The following MOK variants were observed in gnomAD, a reference collection of about 807,000 sequenced individuals.
MOK encodes the protein MOK protein kinase, also known as MAPK/MAK/MRK overlapping kinase.
In MOK, 59 loss-of-function variants were observed where a neutral mutation model predicts 54.2. The ratio of observed to expected loss-of-function variants is 1.09; its 90% CI spans 0.88 to 1.35. MOK has a LOEUF of 1.35. MOK is among the 40% of genes most tolerant of loss of function. MOK has a pLI of 0.00. For missense variants in MOK, 517 were observed against 526.2 expected (o/e 0.98, Z 0.17); for synonymous variants, 210 against 202.7 (o/e 1.04, Z -0.31).
In MOK at chr14:102,236,702, A is replaced by G. The variant is rs12887332; in HGVS notation, c.591-2913T>C. ...GGACACCACCACCCCTTCCCTAGCT[A>G]CTCACCACGACCCCATCAAAATCCA... On this transcript the variant is annotated intron_variant, in intron 7 of 11. Coordinates refer to ENST00000361847, the MANE Select transcript of MOK (RefSeq NM_014226.3). This position sits in a 1 kb window ranked among gnomAD's most constrained non-coding sequence, Gnocchi z 4.5. Among the ~76,000 whole-genome samples the G allele has an allele frequency of 0.34, 52,167 of 151,504 alleles. 12,445 individuals are homozygous for G. Among genetic ancestry groups the G allele is most frequent in the African/African-American group, 0.69 (28,346 of 41,270 alleles).
At chr14:102,287,927 C>T (rs982471988) in intron 1 of MOK, among the ~76,000 whole-genome samples, 1 of 150,768 alleles carries the variant, frequency 6.6e-6, no homozygotes, top group Non-Finnish European at 1.5e-5. Flanking sequence ...CTCCGCTTCC[C>T]GGGTTCACGC....
chr14:102,224,811 TAA>T (rs1295549416), downstream of MOK: 33 of 455,962 alleles, frequency 7.2e-5, no homozygotes, highest in Admixed American at 6.8e-4. Context: ...AGAGAAATAA[TAA>T]AAGACACTAA....
chr14:102,299,949 T>G (rs1373510440), intron 1 of MOK, among the ~76,000 whole-genome samples: 1 of 152,154 alleles, frequency 6.6e-6, no homozygotes. Flanking sequence ...CCAGGCACAG[T>G]GGCTCATGCC....
At chr14:102,298,718 C>T (rs966784509) in intron 1 of MOK, among the ~76,000 whole-genome samples, 5 of 152,206 alleles carry the variant, frequency 3.3e-5, no homozygotes, top group African/African-American at 4.8e-5. Context: ...CAACATGCTC[C>T]AGTCCCCTTC....
chr14:102,233,707 T>A lies in MOK; in HGVS notation c.673A>T (p.Ile225Phe), dbSNP rs757500685. The A allele has an allele frequency of 8.7e-6, 14 of 1,613,582 alleles. No individual in the cohort carries two copies. The highest frequency in any genetic ancestry group is 1.2e-5 in the Non-Finnish European group (14 of 1,179,502). Residue 225 changes from isoleucine (I) to phenylalanine (F), a missense_variant, in exon 8 of 12, where the codon ATC becomes TTC. Transcript: ENST00000361847. The part of the protein sequence containing the change: ...HDVIGTPAQK[I>F]LTKFKQSRAM... Reference sequence around the variant, plus strand: ...ACTTACTGTTTGAACTTGGTGAGGATCTTCTGAGCGGGTGTGCCGATGACA... The same window carrying A: ...ACTTACTGTTTGAACTTGGTGAGGAACTTCTGAGCGGGTGTGCCGATGACA...
intron 1 of MOK, among the ~76,000 whole-genome samples, chr14:102,303,009 A>C (rs117211617): frequency 6.6e-6 from 1 of 151,704 alleles, no homozygotes; most frequent in Non-Finnish European, 1.5e-5. Flanking sequence ...CAAAAAATAC[A>C]AGTTAGCTGG....
chr14:102,234,579 C>T (rs1418288429), intron 7 of MOK, among the ~76,000 whole-genome samples: 2 of 152,100 alleles, frequency 1.3e-5, no homozygotes, highest in African/African-American at 4.8e-5. Context: ...CACCGGCAGT[C>T]TCTTCTTCCT....
At position 102,304,961 on chromosome 14, in the gene MOK, C is replaced by A. The variant is rs1437627756; in HGVS notation, c.7+1G>T. The stretch of plus-strand genomic sequence containing the variant: ...CTGCCCCTTTCCCCGGCCCCACTCA[C>A]TCTTCATCTTGGATGCGGAAGCCGG... On this transcript the variant is annotated splice_donor_variant, in intron 1 of 11. Transcript: ENST00000361847. LOFTEE classifies it high-confidence loss of function. The A allele has an allele frequency of 9.9e-6, 16 of 1,610,096 alleles. No individual in the cohort carries two copies. The East Asian group carries it at 3.6e-4, about 36-fold the overall frequency.
chr14:102,256,670 G>T (rs35308394), intron 4 of MOK, among the ~76,000 whole-genome samples: 1 of 151,170 alleles, frequency 6.6e-6, no homozygotes, highest in African/African-American at 2.4e-5. Flanking sequence ...CAAAGTGTTG[G>T]GACTACACAC....
intron 1 of MOK, 44 bp from the exon 2 acceptor site, chr14:102,283,636 T>C (rs758570512): frequency 1.2e-5 from 15 of 1,246,600 alleles, no homozygotes; most frequent in Non-Finnish European, 1.5e-5. Flanking sequence ...TATTTATGCA[T>C]ACACTTGTAT....
In MOK at chr14:102,245,880, T is replaced by C. The variant is rs947036028; in HGVS notation, c.590+4932A>G. Among the ~76,000 whole-genome samples, 3 of 152,078 alleles carry C rather than the reference T, an allele frequency of 2.0e-5. No individual in the cohort carries two copies. Among genetic ancestry groups the C allele is most frequent in the Non-Finnish European group, 4.4e-5 (3 of 68,012 alleles). On this transcript the variant is annotated intron_variant, in intron 7 of 11. Coordinates refer to ENST00000361847, the MANE Select transcript of MOK (RefSeq NM_014226.3). This position sits in a 1 kb window ranked among gnomAD's most constrained non-coding sequence, Gnocchi z 4.3. ...CTCCAACCAGCACCTCACCAACTTC[T>C]AACTGGTATTCCAGCACACTCCTTG...
chr14:102,298,519 T>C (rs1413126352), intron 1 of MOK, among the ~76,000 whole-genome samples: 1 of 152,216 alleles, frequency 6.6e-6, no homozygotes, highest in Non-Finnish European at 1.5e-5. Context: ...CTAGCTGATC[T>C]CACGGGGACT....
chr14:102,242,120 G>T (rs2065768188), intron 7 of MOK, among the ~76,000 whole-genome samples: 1 of 152,194 alleles, frequency 6.6e-6, no homozygotes, highest in African/African-American at 2.4e-5. Flanking sequence ...CTACCTGATT[G>T]CCTCGGAAGC....
chr14:102,217,198 T>C, the MOK span, among the ~76,000 whole-genome samples: 1 of 152,160 alleles, frequency 6.6e-6, no homozygotes, highest in South Asian at 2.1e-4. Flanking sequence ...GTAGAGAGGA[T>C]TGCAGGGCCA....
At position 102,297,884 on chromosome 14, in the gene MOK, G is replaced by A. The variant is rs10137979; in HGVS notation, c.7+7078C>T. On this transcript the variant is annotated intron_variant, in intron 1 of 11. Transcript: ENST00000361847. Reference sequence around the variant, plus strand: ...CCTGCAGTGCCGGCCCACCGGCCCTGCCTGTGCTCAAATTCTTTCTGGGCC... The same window carrying A: ...CCTGCAGTGCCGGCCCACCGGCCCTACCTGTGCTCAAATTCTTTCTGGGCC... Among the ~76,000 whole-genome samples the A allele has an allele frequency of 5.6e-3, 853 of 152,328 alleles. 9 individuals are homozygous for A. The highest frequency in any genetic ancestry group is 0.02 in the African/African-American group (816 of 41,584).
intron 10 of MOK, 28 bp from the exon 11 acceptor site, chr14:102,229,685 C>A: frequency 6.4e-7 from 1 of 1,552,944 alleles, no homozygotes; most frequent in Non-Finnish European, 8.7e-7. Flanking sequence ...GCCAGTTGGA[C>A]ATAAAACGCT....
At chr14:102,290,446 AAAAAG>A (rs2070649011) in intron 1 of MOK, among the ~76,000 whole-genome samples, 1 of 152,176 alleles carries the variant, frequency 6.6e-6, no homozygotes, top group South Asian at 2.1e-4. Context: ...GTCTCAAAAA[AAAAAG>A]AGAGAAACAA....
intron 1 of MOK, among the ~76,000 whole-genome samples, chr14:102,301,606 ACTCTGT>A (rs2072210167): frequency 6.6e-6 from 1 of 151,924 alleles, no homozygotes; most frequent in East Asian, 1.9e-4. Flanking sequence ...TACTTCTATA[ACTCTGT>A]CTCTGTGATT....
At chr14:102,248,208 C>T (rs983902764) in intron 7 of MOK, among the ~76,000 whole-genome samples, 8 of 152,204 alleles carry the variant, frequency 5.3e-5, no homozygotes, top group Non-Finnish European at 1.2e-4. Flanking sequence ...ACCCCTCCCC[C>T]TAATGCTCTG....
Sources: allele counts gnomAD v4.1 joint callset (sites outside exome capture counted in the v4.1 genomes callset), GRCh38; gene constraint gnomAD v4.1.1; non-coding constraint Gnocchi (gnomAD v3.1); transcripts MANE v1.5; gene names NCBI Gene and HGNC (gene_info 2026-07-23, HGNC 2026-07-21).